The following ANKS1B variants were observed in gnomAD, a reference collection of about 807,000 sequenced individuals.
ANKS1B encodes the protein ankyrin repeat and sterile alpha motif domain-containing protein 1B.
ANKS1B carries 36 observed loss-of-function variants against 148.3 expected under a neutral mutation model. That is an observed-to-expected ratio of 0.24 (90% CI 0.19 to 0.32). The LOEUF (loss-of-function observed/expected upper bound fraction) is 0.32, where lower values mean the gene tolerates loss of function less well. Ranked by LOEUF, ANKS1B falls within the 10% of genes least tolerant of loss-of-function variation. The pLI, the probability that ANKS1B is intolerant of heterozygous loss-of-function variation, is 1.00. For missense variants in ANKS1B, 1,157 were observed against 1,542.6 expected (o/e 0.75, Z 4.19); for synonymous variants, 542 against 560.8 (o/e 0.97, Z 0.47).
intron 17 of ANKS1B, among the ~76,000 whole-genome samples, chr12:99,019,427 T>C (rs964417065): frequency 6.6e-6 from 1 of 152,224 alleles, no homozygotes; most frequent in African/African-American, 2.4e-5. Context: ...CAAGTCATTA[T>C]AGCTATTGTT....
At chr12:98,786,706 C>T (rs1383188267) in intron 22 of ANKS1B, among the ~76,000 whole-genome samples, 2 of 152,166 alleles carry the variant, frequency 1.3e-5, no homozygotes, top group Non-Finnish European at 2.9e-5. Flanking sequence ...TGATGGGGAG[C>T]ACTTCAGTTG....
At chr12:98,848,884 G>A (rs1258115542) in intron 17 of ANKS1B, among the ~76,000 whole-genome samples, 1 of 151,732 alleles carries the variant, frequency 6.6e-6, no homozygotes, top group Admixed American at 6.6e-5. Context: ...GATTATAGGC[G>A]CCTGCCACCA....
At chr12:99,486,205 T>A (rs1032974421) in intron 10 of ANKS1B, among the ~76,000 whole-genome samples, 3 of 152,120 alleles carry the variant, frequency 2.0e-5, no homozygotes, top group African/African-American at 7.2e-5. Context: ...GTGTTTTTTT[T>A]TAATATTCCT....
At chr12:99,120,354 CT>C (rs1207303947) in intron 15 of ANKS1B, among the ~76,000 whole-genome samples, 1 of 152,188 alleles carries the variant, frequency 6.6e-6, no homozygotes, top group Non-Finnish European at 1.5e-5. Context: ...AACTTGAGGA[CT>C]TGCTCTATAG....
At chr12:99,340,535 A>T (rs1296698666) in intron 12 of ANKS1B, among the ~76,000 whole-genome samples, 1 of 151,612 alleles carries the variant, frequency 6.6e-6, no homozygotes, top group East Asian at 1.9e-4. Flanking sequence ...TTTTTTATTT[A>T]TATATATGTA....
intron 10 of ANKS1B, among the ~76,000 whole-genome samples, chr12:99,471,298 G>A (rs756891400): frequency 6.6e-6 from 1 of 151,580 alleles, no homozygotes; most frequent in Non-Finnish European, 1.5e-5. Flanking sequence ...ACAAAATATT[G>A]CTTAAATACT....
In ANKS1B at chr12:98,966,362, C is replaced by G. The variant is rs537591855; in HGVS notation, c.2778+86795G>C. Among the ~76,000 whole-genome samples the G allele has an allele frequency of 7.9e-5, 12 of 152,274 alleles. No homozygotes were observed. In the South Asian group the frequency reaches 2.5e-3, roughly 32 times the overall value. On this transcript the variant is annotated intron_variant, in intron 17 of 26. Coordinates refer to ENST00000683438, the MANE Select transcript of ANKS1B (RefSeq NM_001352186.2). Reference sequence around the variant, plus strand: ...AACCATAATGAGATACCATCTCACACCAGTTAGAATGGCAATCATTAAAAA... The same window carrying G: ...AACCATAATGAGATACCATCTCACAGCAGTTAGAATGGCAATCATTAAAAA...
intron 8 of ANKS1B, among the ~76,000 whole-genome samples, chr12:99,713,723 A>T (rs1002589747): frequency 2.0e-5 from 3 of 152,090 alleles, no homozygotes; most frequent in African/African-American, 7.2e-5. Flanking sequence ...ATTTTTCTCT[A>T]TTATGTTCCT....
At chr12:99,026,009 G>A (rs762126042) in intron 17 of ANKS1B, among the ~76,000 whole-genome samples, 2 of 152,128 alleles carry the variant, frequency 1.3e-5, no homozygotes, top group East Asian at 1.9e-4. Context: ...ACTCCAAATT[G>A]AGAAACACAC....
intron 17 of ANKS1B, among the ~76,000 whole-genome samples, chr12:98,956,036 C>A (rs145910904): frequency 6.6e-6 from 1 of 152,184 alleles, no homozygotes; most frequent in Non-Finnish European, 1.5e-5. Flanking sequence ...GCCTAGAGAT[C>A]TGACAATGTG....
chr12:99,812,542 CACACACACACACACACAGAG>C (rs1298499942), intron 2 of ANKS1B, among the ~76,000 whole-genome samples: 29 of 94,730 alleles, frequency 3.1e-4, no homozygotes, highest in South Asian at 2.2e-3. Context: ...CACACACACA[CACACACACACACACACAGAG>C]AGAGAGAGAG....
At chr12:99,816,342 T>G (rs987769327) in intron 2 of ANKS1B, among the ~76,000 whole-genome samples, 4 of 150,476 alleles carry the variant, frequency 2.7e-5, no homozygotes, top group South Asian at 2.1e-4. Flanking sequence ...GGATTATTTG[T>G]TTTTTTTCTT....
chr12:99,017,343 A>G (rs1355878446), intron 17 of ANKS1B, among the ~76,000 whole-genome samples: 2 of 152,194 alleles, frequency 1.3e-5, no homozygotes, highest in Admixed American at 6.5e-5. Context: ...GGTTAAAATT[A>G]TGAGAGAGGC....
chr12:99,543,090 G>A (rs752344930), intron 9 of ANKS1B, among the ~76,000 whole-genome samples: 5 of 151,958 alleles, frequency 3.3e-5, no homozygotes, highest in Non-Finnish European at 7.4e-5. Context: ...ATTTGATATG[G>A]GACTTGTATT....
At chr12:99,043,429 T>C (rs2099960357) in intron 17 of ANKS1B, among the ~76,000 whole-genome samples, 1 of 152,208 alleles carries the variant, frequency 6.6e-6, no homozygotes, top group South Asian at 2.1e-4. Context: ...AGTGAATAAT[T>C]TCTGTTTTGC....
At chr12:99,822,014 T>G (rs1326869152) in intron 2 of ANKS1B, among the ~76,000 whole-genome samples, 1 of 152,004 alleles carries the variant, frequency 6.6e-6, no homozygotes, top group African/African-American at 2.4e-5. Context: ...TAAATACAAT[T>G]TGGGAATTCC....
At chr12:99,662,627 G>T (rs2153455470) in intron 8 of ANKS1B, among the ~76,000 whole-genome samples, 1 of 152,188 alleles carries the variant, frequency 6.6e-6, no homozygotes, top group African/African-American at 2.4e-5. Context: ...AACTCCATTT[G>T]CTCCCACTGT....
At chr12:99,597,138 A>C (rs971483598) in intron 9 of ANKS1B, among the ~76,000 whole-genome samples, 1 of 151,914 alleles carries the variant, frequency 6.6e-6, no homozygotes, top group African/African-American at 2.4e-5. Flanking sequence ...TTACATTATA[A>C]TTGTAATCTG....
intron 17 of ANKS1B, among the ~76,000 whole-genome samples, chr12:98,882,789 A>G (rs551289808): frequency 6.6e-6 from 1 of 152,288 alleles, no homozygotes; most frequent in South Asian, 2.1e-4. Flanking sequence ...ATTTAGGTAA[A>G]GAGAATGATC....
Sources: allele counts gnomAD v4.1 joint callset (sites outside exome capture counted in the v4.1 genomes callset), GRCh38; gene constraint gnomAD v4.1.1; transcripts MANE v1.5; gene names NCBI Gene and HGNC (gene_info 2026-07-23, HGNC 2026-07-21).